COL4A4: variants seen among roughly 807,000 people sequenced by gnomAD.
COL4A4 encodes collagen type IV alpha 4 chain, also known as collagen alpha-4(IV) chain.
In COL4A4, 105 loss-of-function variants were observed where a neutral mutation model predicts 192.9. That is an observed-to-expected ratio of 0.54 (90% CI 0.46 to 0.64). The LOEUF (loss-of-function observed/expected upper bound fraction) is 0.64. Among genes scored for constraint, COL4A4 ranks in the 30% least tolerant of loss-of-function variants. The probability of loss-of-function intolerance (pLI) is 0.00; values close to 1 mark genes in which losing one functional copy is unlikely to be tolerated. For synonymous variants in COL4A4, 762 were observed against 769.9 expected, an observed-to-expected ratio of 0.99 and a Z score of 0.17; for missense variants, 1,967 against 2,169.3, an observed-to-expected ratio of 0.91 and a Z score of 1.85.
intron 37 of COL4A4, among the ~76,000 whole-genome samples, chr2:227,038,675 C>A (rs577370020): frequency 6.6e-6 from 1 of 152,324 alleles, no homozygotes; most frequent in South Asian, 2.1e-4. Flanking sequence ...TGATTGAACA[C>A]AAGCAGGATG....
the COL4A4 span, among the ~76,000 whole-genome samples, chr2:226,982,801 C>G: frequency 6.6e-6 from 1 of 152,152 alleles, no homozygotes; most frequent in South Asian, 2.1e-4. Context: ...CACTATGTAC[C>G]AGGCACCAGG....
intron 19 of COL4A4, among the ~76,000 whole-genome samples, chr2:227,095,439 TA>T (rs1185881983): frequency 6.6e-6 from 1 of 152,180 alleles, no homozygotes; most frequent in Non-Finnish European, 1.5e-5. Flanking sequence ...GAGGATTAAA[TA>T]AAATAATCCA....
At chr2:227,029,274 AG>A (rs2149942769) in intron 41 of COL4A4, among the ~76,000 whole-genome samples, 1 of 152,314 alleles carries the variant, frequency 6.6e-6, no homozygotes, top group African/African-American at 2.4e-5. Flanking sequence ...GTAACTAAGG[AG>A]GAGGAGTGTT....
chr2:227,130,036 A>T (rs2062344155), intron 4 of COL4A4, among the ~76,000 whole-genome samples: 1 of 152,138 alleles, frequency 6.6e-6, no homozygotes, highest in Non-Finnish European at 1.5e-5. Flanking sequence ...TGCCTCCAGG[A>T]GCCTCCCCTA....
intron 40 of COL4A4, 56 bp downstream of exon 40, chr2:227,031,889 G>A: frequency 1.6e-6 from 2 of 1,249,644 alleles, no homozygotes; most frequent in East Asian, 4.7e-5. Context: ...TTCCTCCAGA[G>A]CTGGCAGCAT....
intron 22 of COL4A4, among the ~76,000 whole-genome samples, chr2:227,086,655 A>T (rs2059617008): frequency 6.6e-6 from 1 of 152,184 alleles, no homozygotes; most frequent in South Asian, 2.1e-4. Flanking sequence ...AACTGAATTA[A>T]GTAAACCTTA....
rs1961901151 is a variant in COL4A4, at chr2:227,005,484, G to C, written c.*1841C>G. ...TTAGGTGCACAAAAATATTCAACAT[G>C]CCAGAGCATGGTTTAAAAAATATCA... On this transcript the variant is annotated 3_prime_UTR_variant, in exon 48 of 48. Coordinates refer to ENST00000396625, the MANE Select transcript of COL4A4 (RefSeq NM_000092.5). 6.6e-6 allele frequency: 1 copy of C among 152,166 alleles called. No homozygotes were observed. The highest frequency in any genetic ancestry group is 1.5e-5 in the Non-Finnish European group (1 of 68,032). 9.4% of individuals were successfully genotyped at this position (152,166 alleles called of 1,614,324 possible). A position where few individuals can be genotyped will look rare whatever the true frequency, so the allele number is the denominator to read the frequency against.
At chr2:227,107,756 CTTT>C (rs71036157) in intron 12 of COL4A4, among the ~76,000 whole-genome samples, 93 of 109,182 alleles carry the variant, frequency 8.5e-4, no homozygotes, top group Middle Eastern at 4.7e-3. Flanking sequence ...AATCACTTTT[CTTT>C]TTTTTTTTTT....
chr2:227,057,791 C>T (rs1975849779), intron 28 of COL4A4, among the ~76,000 whole-genome samples, 191 bp from the exon 29 acceptor site: 2 of 152,204 alleles, frequency 1.3e-5, no homozygotes, highest in Admixed American at 6.5e-5. Flanking sequence ...AGAAACAACG[C>T]ATTGCTAAGT....
intron 19 of COL4A4, 128 bp from the exon 20 acceptor site, chr2:227,094,417 G>A (rs2060100435): frequency 2.3e-6 from 2 of 859,960 alleles, no homozygotes; most frequent in South Asian, 3.2e-5. Context: ...CGGAGCTGGA[G>A]GTCATTATGC....
At chr2:227,107,938 A>G (rs867421069) in intron 12 of COL4A4, among the ~76,000 whole-genome samples, 10 of 151,774 alleles carry the variant, frequency 6.6e-5, no homozygotes, top group Admixed American at 1.3e-4. Flanking sequence ...TTGTATTTTT[A>G]GTAGAGACGG....
At chr2:226,968,572 A>T in the COL4A4 span, among the ~76,000 whole-genome samples, 1 of 152,216 alleles carries the variant, frequency 6.6e-6, no homozygotes, top group African/African-American at 2.4e-5. Flanking sequence ...TTAGTGTTTA[A>T]TTGAATAACC....
chr2:227,016,586 C>G (rs1366208203), intron 44 of COL4A4, among the ~76,000 whole-genome samples: 2 of 152,222 alleles, frequency 1.3e-5, no homozygotes, highest in East Asian at 3.9e-4. Context: ...TTGAAGTGTT[C>G]AGGTAATGAG....
At chr2:227,065,823 C>T (rs1344769809) in intron 25 of COL4A4, among the ~76,000 whole-genome samples, 3 of 152,238 alleles carry the variant, frequency 2.0e-5, no homozygotes, top group Non-Finnish European at 4.4e-5. Flanking sequence ...AGCACCTCTC[C>T]TCTTCCAAAG....
At position 227,041,846 on chromosome 2, in the gene COL4A4, A is replaced by AAGAGAGAGAG. The variant is rs767450885; in HGVS notation, c.3505+301_3505+302insCTCTCTCTCT. Among the ~76,000 whole-genome samples, 9 of 39,322 alleles carry AAGAGAGAGAG rather than the reference A, an allele frequency of 2.3e-4. 1 individual carries two copies. The highest frequency in any genetic ancestry group is 1.1e-3 in the African/African-American group (8 of 7,376). The allele number at this position is 39,322 out of a possible 152,430, so 25.8% of individuals were successfully genotyped here. On this transcript the variant is annotated intron_variant, in intron 37 of 47. Transcript: ENST00000396625. ...AAAGAAAGAAAGAAAGAAAGAAAGAAAGAGAAAGAAAGAAAGAAAGAAAGA... is the reference window on the plus strand; with the variant it reads ...AAAGAAAGAAAGAAAGAAAGAAAGAAAGAGAGAGAGAGAGAAAGAAAGAAAGAAAGAAAGA...
chr2:227,022,943 T>C (rs1966307265), intron 43 of COL4A4, among the ~76,000 whole-genome samples: 1 of 152,156 alleles, frequency 6.6e-6, no homozygotes, highest in Non-Finnish European at 1.5e-5. Flanking sequence ...GTTTGTTTGT[T>C]TGTTTAACTC....
intron 40 of COL4A4, among the ~76,000 whole-genome samples, chr2:227,031,514 T>G (rs1451988534): frequency 6.6e-6 from 1 of 152,146 alleles, no homozygotes; most frequent in South Asian, 2.1e-4. Flanking sequence ...CAGCAGCACA[T>G]GAAGAGACTG....
intron 9 of COL4A4, among the ~76,000 whole-genome samples, chr2:227,109,745 CAAA>C (rs1354853344): frequency 3.0e-5 from 3 of 100,120 alleles, no homozygotes; most frequent in Non-Finnish European, 4.2e-5. Context: ...GACTCTGTCT[CAAA>C]AAAAAAAAAA....
At chr2:226,979,121 A>G in the COL4A4 span, among the ~76,000 whole-genome samples, 21 of 152,166 alleles carry the variant, frequency 1.4e-4, no homozygotes, top group Admixed American at 4.6e-4. Context: ...GCCTCAAAAC[A>G]AAGGAAACCT....
Sources: gnomAD v4.1 joint callset for allele counts (sites outside exome capture counted in the v4.1 genomes callset) on GRCh38, gnomAD v4.1.1 for gene constraint, MANE v1.5 for transcripts, NCBI Gene and HGNC (gene_info 2026-07-23, HGNC 2026-07-21) for gene names.